BTC: variants seen among roughly 807,000 people sequenced by gnomAD.
BTC encodes betacellulin.
In BTC, 13 loss-of-function variants were observed where a neutral mutation model predicts 18.1. The observed-to-expected ratio is 0.72, with a 90% CI of 0.47 to 1.14. The LOEUF is 1.14. Ranked by LOEUF, BTC falls within the 50% of genes most tolerant of loss-of-function variation. BTC has a pLI of 0.00. For synonymous variants in BTC, 83 were observed against 79.4 expected (o/e 1.05, Z -0.24); for missense variants, 247 against 224.2 (o/e 1.10, Z -0.65).
chr4:74,746,753 A>G (rs184782104), intron 5 of BTC, 78 bp from the exon 6 acceptor site: 97 of 151,918 alleles, frequency 6.4e-4, no homozygotes, highest in African/African-American at 2.3e-3. Context: ...AAAAATCCAG[A>G]GCCAGCCATT....
intron 4 of BTC, 141 bp downstream of exon 4, chr4:74,750,432 C>G: frequency 1.2e-6 from 1 of 800,822 alleles, no homozygotes; most frequent in Non-Finnish European, 1.9e-6. Context: ...ACTTCTATAT[C>G]AACAATGGCA....
intron 1 of BTC, among the ~76,000 whole-genome samples, chr4:74,781,464 A>C (rs1725328825): frequency 6.6e-6 from 1 of 151,206 alleles, no homozygotes; most frequent in Non-Finnish European, 1.5e-5. Context: ...CAAGAGCACC[A>C]GTAATTTCCT....
chr4:74,755,317 T>C (rs1348666722), intron 3 of BTC, among the ~76,000 whole-genome samples: 8 of 152,188 alleles, frequency 5.3e-5, no homozygotes, highest in African/African-American at 1.4e-4. Flanking sequence ...AAAAAGAAAT[T>C]TGTGTATGCC....
At chr4:74,781,057 T>G (rs1012729611) in intron 1 of BTC, among the ~76,000 whole-genome samples, 3 of 152,076 alleles carry the variant, frequency 2.0e-5, no homozygotes, top group Non-Finnish European at 2.9e-5. Context: ...GAAAACTTGA[T>G]GGTCATGGCC....
intron 1 of BTC, among the ~76,000 whole-genome samples, chr4:74,789,973 T>C (rs1725578023): frequency 6.6e-6 from 1 of 152,218 alleles, no homozygotes; most frequent in Admixed American, 6.5e-5. Flanking sequence ...GAAGAATCTG[T>C]AGAGGCATTT....
At chr4:74,774,000 T>C (rs1725115355) in intron 1 of BTC, among the ~76,000 whole-genome samples, 1 of 152,182 alleles carries the variant, frequency 6.6e-6, no homozygotes, top group Non-Finnish European at 1.5e-5. Flanking sequence ...CTCTGCCTAG[T>C]GGCAAAGACT....
At chr4:74,760,158 T>A (rs1476810398) in intron 2 of BTC, among the ~76,000 whole-genome samples, 1 of 152,254 alleles carries the variant, frequency 6.6e-6, no homozygotes, top group Admixed American at 6.5e-5. Flanking sequence ...ATACTACAAC[T>A]GTTATTACAG....
At chr4:74,757,127 C>A (rs1553956802) in intron 2 of BTC, among the ~76,000 whole-genome samples, 1 of 152,154 alleles carries the variant, frequency 6.6e-6, no homozygotes, top group East Asian at 1.9e-4. Context: ...GTCAGAAGAG[C>A]ATGTCACGCT....
chr4:74,749,168 G>T (rs1255712966), intron 4 of BTC, among the ~76,000 whole-genome samples: 1 of 152,092 alleles, frequency 6.6e-6, no homozygotes, highest in African/African-American at 2.4e-5. Context: ...GGTGGCTCAT[G>T]CCTGTAATCC....
chr4:74,793,417 G>T (rs1395395718), intron 1 of BTC, among the ~76,000 whole-genome samples: 5 of 152,132 alleles, frequency 3.3e-5, no homozygotes, highest in Non-Finnish European at 1.5e-5. Flanking sequence ...GTGATATCGT[G>T]GTGACACTTC....
chr4:74,763,478 G>C (rs1480229785), intron 2 of BTC, among the ~76,000 whole-genome samples: 3 of 151,648 alleles, frequency 2.0e-5, no homozygotes, highest in African/African-American at 7.3e-5. Context: ...ACTCATTTTT[G>C]CCTTATTTGC....
chr4:74,752,602 A>G (rs1577948244), intron 3 of BTC, among the ~76,000 whole-genome samples: 1 of 152,112 alleles, frequency 6.6e-6, no homozygotes, highest in East Asian at 1.9e-4. Context: ...GATGGTCTCA[A>G]TCTCTTGACC....
At chr4:74,755,386 T>C (rs1267152222) in intron 3 of BTC, among the ~76,000 whole-genome samples, 1 of 152,220 alleles carries the variant, frequency 6.6e-6, no homozygotes, top group African/African-American at 2.4e-5. Context: ...TTTCTCCCAA[T>C]TCCCCACTAT....
intron 3 of BTC, among the ~76,000 whole-genome samples, chr4:74,753,790 G>T (rs1462638126): frequency 1.3e-5 from 2 of 151,404 alleles, no homozygotes; most frequent in East Asian, 3.9e-4. Context: ...TTTGAGTCTA[G>T]CCTGGGCAAT....
intron 2 of BTC, among the ~76,000 whole-genome samples, chr4:74,761,384 C>G (rs1202008571): frequency 1.3e-5 from 2 of 152,194 alleles, no homozygotes; most frequent in Non-Finnish European, 2.9e-5. Flanking sequence ...TTCATCTCTT[C>G]TCCTTCCTGG....
At chr4:74,759,540 C>A (rs1360978259) in intron 2 of BTC, among the ~76,000 whole-genome samples, 2 of 151,590 alleles carry the variant, frequency 1.3e-5, no homozygotes, top group East Asian at 3.9e-4. Flanking sequence ...ACTCTATATT[C>A]CGAAGATGCT....
intron 1 of BTC, among the ~76,000 whole-genome samples, chr4:74,784,770 G>A (rs1322538080): frequency 6.6e-6 from 1 of 152,212 alleles, no homozygotes; most frequent in Non-Finnish European, 1.5e-5. Flanking sequence ...TCCCAGAGAT[G>A]AAGCCAACTT....
At chr4:74,753,879 T>A (rs1301323173) in intron 3 of BTC, among the ~76,000 whole-genome samples, 1 of 152,240 alleles carries the variant, frequency 6.6e-6, no homozygotes, top group East Asian at 1.9e-4. Flanking sequence ...TATGGCATAC[T>A]TAAATATGTT....
At chr4:74,766,876 C>A (rs956280320) in intron 2 of BTC, among the ~76,000 whole-genome samples, 4 of 151,894 alleles carry the variant, frequency 2.6e-5, no homozygotes, top group African/African-American at 7.2e-5. Context: ...AAATTCAACA[C>A]CTTTTCATAA....
Sources: gnomAD v4.1 joint callset for allele counts (sites outside exome capture counted in the v4.1 genomes callset) on GRCh38, gnomAD v4.1.1 for gene constraint, MANE v1.5 for transcripts, NCBI Gene and HGNC (gene_info 2026-07-23, HGNC 2026-07-21) for gene names.